Variants in TTC6 observed in about 807,000 individuals in gnomAD.
The protein encoded by TTC6 is tetratricopeptide repeat domain 6.
Under a neutral mutation model 210.4 loss-of-function variants are expected in TTC6, and 172 were observed. The observed-to-expected ratio is 0.82, with a 90% confidence interval of 0.72 to 0.93. The LOEUF (loss-of-function observed/expected upper bound fraction) is 0.93, where lower values mean the gene tolerates loss of function less well. TTC6 is among the 40% of genes least tolerant of loss of function. TTC6 has a pLI of 0.00. For synonymous variants in TTC6, 804 were observed against 819.6 expected (o/e 0.98, Z 0.32); for missense variants, 2,414 against 2,318.1 (o/e 1.04, Z -0.85).
At chr14:37,611,875 C>G (rs2095635241) in intron 2 of TTC6, among the ~76,000 whole-genome samples, 1 of 152,064 alleles carries the variant, frequency 6.6e-6, no homozygotes, top group African/African-American at 2.4e-5. Flanking sequence ...GGCTCCAACT[C>G]CTTGGTGGAC....
At chr14:37,696,470 C>T (rs2095815009) in intron 3 of TTC6, among the ~76,000 whole-genome samples, 1 of 151,744 alleles carries the variant, frequency 6.6e-6, no homozygotes, top group African/African-American at 2.4e-5. Context: ...ATTTATTCTT[C>T]AATAATTTTA....
At chr14:37,622,386 G>T (rs1410997063) in exon 1 of TTC6, 26 of 1,531,860 alleles carry the variant, frequency 1.7e-5, no homozygotes, top group Non-Finnish European at 2.3e-5. Flanking sequence ...TGAGGCGGCG[G>T]CTCCAGGCAA....
chr14:37,597,005 ATTTTTTTT>A (rs34214926), intron 1 of TTC6, among the ~76,000 whole-genome samples: 1 of 138,500 alleles, frequency 7.2e-6, no homozygotes, highest in Non-Finnish European at 1.6e-5. Flanking sequence ...ATTGGATTAC[ATTTTTTTT>A]TTTTTTTTTT....
chr14:37,659,156 C>T (rs1317982580), intron 1 of TTC6, among the ~76,000 whole-genome samples: 1 of 152,010 alleles, frequency 6.6e-6, no homozygotes, highest in African/African-American at 2.4e-5. Flanking sequence ...TATATACGTA[C>T]CACATTTTCT....
intron 1 of TTC6, among the ~76,000 whole-genome samples, chr14:37,658,133 T>G (rs1227845517): frequency 1.3e-5 from 2 of 152,182 alleles, no homozygotes; most frequent in African/African-American, 4.8e-5. Flanking sequence ...TTGATGAAAT[T>G]CAAAACATTA....
intron 1 of TTC6, among the ~76,000 whole-genome samples, chr14:37,636,238 T>C (rs2095680455): frequency 6.6e-6 from 1 of 152,174 alleles, no homozygotes; most frequent in Non-Finnish European, 1.5e-5. Flanking sequence ...TCTAAGGATA[T>C]AGAAGAACTC....
chr14:37,786,118 C>T (rs2096066960), intron 14 of TTC6, among the ~76,000 whole-genome samples: 2 of 152,196 alleles, frequency 1.3e-5, no homozygotes, highest in African/African-American at 2.4e-5. Context: ...AGATCTCAAA[C>T]TCCATGCTGG....
At chr14:37,610,039 C>T (rs186644265) in intron 2 of TTC6, among the ~76,000 whole-genome samples, 51 of 152,230 alleles carry the variant, frequency 3.4e-4, no homozygotes, top group African/African-American at 1.2e-3. Context: ...AAATAACAGA[C>T]CTTAGAGGGT....
chr14:37,753,180 G>T, exon 14 of TTC6: 2 of 1,535,476 alleles, frequency 1.3e-6, no homozygotes, highest in Non-Finnish European at 8.7e-7. Context: ...CTGGTTTGCA[G>T]CCATAGAGGA....
Position 37,773,956 on chromosome 14 carries a change from C to T in TTC6, c.3267-13512C>T, listed in dbSNP as rs763319275. ...CCTTTGAGCAGTGTTTTGTAATTCT[C>T]ATTGTAGAGATCTTTCACCTCCCTA... On this transcript the variant is annotated intron_variant, in intron 14 of 30. Coordinates refer to ENST00000553443, the Ensembl canonical transcript of TTC6. 3.4e-4 allele frequency among the ~76,000 whole-genome samples: 52 copies of T among 152,056 alleles called. 1 individual carries two copies. Among genetic ancestry groups the T allele is most frequent in the Non-Finnish European group, 1.2e-4 (8 of 68,014 alleles).
At chr14:37,760,364 C>G (rs1433563844) in intron 14 of TTC6, among the ~76,000 whole-genome samples, 2 of 152,188 alleles carry the variant, frequency 1.3e-5, no homozygotes, top group Non-Finnish European at 2.9e-5. Context: ...CTGCTCCTTC[C>G]TCAGGAACCT....
chr14:37,712,615 G>C (rs1762453108), intron 5 of TTC6, among the ~76,000 whole-genome samples: 1 of 152,166 alleles, frequency 6.6e-6, no homozygotes, highest in Non-Finnish European at 1.5e-5. Flanking sequence ...GGTGGAAGGA[G>C]AAGCAAACAT....
At chr14:37,669,737 C>G (rs2095754830) in intron 1 of TTC6, among the ~76,000 whole-genome samples, 1 of 152,032 alleles carries the variant, frequency 6.6e-6, no homozygotes, top group Non-Finnish European at 1.5e-5. Context: ...TTATCTTTTG[C>G]TTTTTCATCC....
At chr14:37,797,253 A>G (rs2096094831) in intron 20 of TTC6, among the ~76,000 whole-genome samples, 1 of 152,076 alleles carries the variant, frequency 6.6e-6, no homozygotes, top group African/African-American at 2.4e-5. Flanking sequence ...GTTGTTTCAT[A>G]GGGCGGTACC....
At chr14:37,687,375 C>A (rs903757552) in intron 3 of TTC6, among the ~76,000 whole-genome samples, 5 of 152,088 alleles carry the variant, frequency 3.3e-5, no homozygotes, top group Non-Finnish European at 4.4e-5. Context: ...TGCTTGGAGG[C>A]TCCAAATAAA....
intron 1 of TTC6, among the ~76,000 whole-genome samples, chr14:37,604,906 A>G (rs907801496): frequency 6.6e-6 from 1 of 152,224 alleles, no homozygotes; most frequent in Non-Finnish European, 1.5e-5. Context: ...CCAAGATGTC[A>G]TTATATCAAG....
intron 1 of TTC6, among the ~76,000 whole-genome samples, chr14:37,663,687 A>G (rs962639708): frequency 3.3e-5 from 5 of 152,110 alleles, no homozygotes; most frequent in African/African-American, 1.2e-4. Flanking sequence ...TGCTATGATG[A>G]AAGTTAGTAT....
chr14:37,820,337 A>G lies in TTC6; in HGVS notation c.4763+2686A>G, dbSNP rs147414114. Reference sequence around the variant, plus strand: ...TCTTTTCAGCTTTAAGATTTAGTGAACATTTACTGGGTCTGAACAGACTAG... The same window carrying G: ...TCTTTTCAGCTTTAAGATTTAGTGAGCATTTACTGGGTCTGAACAGACTAG... On this transcript the variant is annotated intron_variant, in intron 26 of 30. Transcript: ENST00000553443. 1.5e-3 allele frequency among the ~76,000 whole-genome samples: 221 copies of G among 152,328 alleles called. 1 individual carries two copies. The highest frequency in any genetic ancestry group is 0.01 in the Middle Eastern group (3 of 294).
At chr14:37,750,960 A>G (rs2095950070) in intron 12 of TTC6, 93 bp from the exon 15 acceptor site, 2 of 682,748 alleles carry the variant, frequency 2.9e-6, no homozygotes, top group Non-Finnish European at 4.4e-6. Flanking sequence ...AATTATTTTG[A>G]CTACATTTGT....
Sources: allele counts gnomAD v4.1 joint callset (sites outside exome capture counted in the v4.1 genomes callset), GRCh38; gene constraint gnomAD v4.1.1; transcripts MANE v1.5; gene names NCBI Gene and HGNC (gene_info 2026-07-23, HGNC 2026-07-21).